Variants in KCNQ1 observed in about 807,000 individuals in gnomAD.
KCNQ1 encodes potassium voltage-gated channel subfamily KQT member 1.
A neutral mutation model predicts 72.4 loss-of-function variants in KCNQ1; 49 were observed. The observed-to-expected ratio is 0.68, with a 90% CI of 0.54 to 0.86. KCNQ1 has a LOEUF of 0.86. Ranked by LOEUF, KCNQ1 falls within the 40% of genes least tolerant of loss-of-function variation. The pLI is 0.00. For synonymous variants in KCNQ1, 450 were observed against 412.6 expected (o/e 1.09, Z -1.10); for missense variants, 790 against 945.1 (o/e 0.84, Z 2.15).
chr11:2,693,783 G>A (rs953397473), intron 11 of KCNQ1: 51 of 398,712 alleles, frequency 1.3e-4, no homozygotes, highest in African/African-American at 9.3e-4. Context: ...GGGCCGGCCA[G>A]TTCAGAGGAG....
rs543884255 is a variant in KCNQ1, at chr11:2,567,842, A to T, written c.478-2786A>T. 6.6e-6 allele frequency among the ~76,000 whole-genome samples: 1 copy of T among 152,356 alleles called. No individual in the cohort carries two copies. The highest frequency in any genetic ancestry group is 2.1e-4 in the South Asian group (1 of 4,828). On this transcript the variant is annotated intron_variant, in intron 2 of 15. Coordinates refer to ENST00000155840, the MANE Select transcript of KCNQ1 (RefSeq NM_000218.3). The surrounding 1 kb of genome is among the most constrained non-coding windows in gnomAD (Gnocchi z 6.6). ...CTGAGTGTTAGGTCAAAATAACTTT[A>T]AAAAGACACGCAGCTATCCACAGCA...
intron 11 of KCNQ1, chr11:2,675,598 G>T: frequency 2.5e-6 from 1 of 398,620 alleles, no homozygotes; most frequent in Admixed American, 4.4e-5. Flanking sequence ...GATCCCAATT[G>T]CTCCTCAGAT....
Position 2,664,303 on chromosome 11 carries a change from T to G in KCNQ1, c.1514+2222T>G, listed in dbSNP as rs546613104. On this transcript the variant is annotated intron_variant, in intron 11 of 15. Coordinates refer to ENST00000155840, the MANE Select transcript of KCNQ1 (RefSeq NM_000218.3). This position sits in a 1 kb window ranked among gnomAD's most constrained non-coding sequence, Gnocchi z 5.1. ...AAAGGGGCCACCTTGAGGCATTGTGTTCTGGTCAGGGAAGACTCAGGGCTG... is the reference window on the plus strand; with the variant it reads ...AAAGGGGCCACCTTGAGGCATTGTGGTCTGGTCAGGGAAGACTCAGGGCTG... The G allele has an allele frequency of 2.5e-6, 1 of 398,956 alleles. No individual in the cohort carries two copies. The highest frequency in any genetic ancestry group is 4.4e-6 in the Non-Finnish European group (1 of 226,470). The allele number at this position is 398,956 out of a possible 1,614,324, so 24.7% of individuals were successfully genotyped here.
At chr11:2,779,442 C>T (rs1290635331) in intron 15 of KCNQ1, among the ~76,000 whole-genome samples, 3 of 152,112 alleles carry the variant, frequency 2.0e-5, no homozygotes, top group African/African-American at 4.8e-5. Context: ...CCCAGTTCCC[C>T]AGCCTCCACT....
rs537616803 is a variant in KCNQ1, at chr11:2,762,140, G to C, written c.1515-6704G>C. 6.6e-6 allele frequency among the ~76,000 whole-genome samples: 1 copy of C among 152,238 alleles called. No individual in the cohort carries two copies. Among genetic ancestry groups the C allele is most frequent in the Non-Finnish European group, 1.5e-5 (1 of 68,038 alleles). On this transcript the variant is annotated intron_variant, in intron 11 of 15. Transcript: ENST00000155840. This position sits in a 1 kb window ranked among gnomAD's most constrained non-coding sequence, Gnocchi z 4.3. ...TGGGGTGATGGAAAGAGGCCAGGACGTGAGGCCAGGGTAATAGTTCCTCTC... is the reference window on the plus strand; with the variant it reads ...TGGGGTGATGGAAAGAGGCCAGGACCTGAGGCCAGGGTAATAGTTCCTCTC...
rs1160494017 is a variant in KCNQ1 at position 2,538,108 on chromosome 11, G to A, written c.477+10090G>A. On this transcript the variant is annotated intron_variant, in intron 2 of 15. Coordinates refer to ENST00000155840, the MANE Select transcript of KCNQ1 (RefSeq NM_000218.3). The surrounding 1 kb of genome is among the most constrained non-coding windows in gnomAD (Gnocchi z 6.7). The stretch of plus-strand genomic sequence containing the variant: ...AGCCCGTGTATATCCTCTGGAATGA[G>A]GACCTTCAACTTAGCCAGGGTGTCC... Among the ~76,000 whole-genome samples, 2 of 152,318 alleles carry A rather than the reference G, an allele frequency of 1.3e-5. 1 individual carries two copies. The highest frequency in any genetic ancestry group is 6.8e-3 in the Middle Eastern group (2 of 294).
At chr11:2,778,449 T>C (rs2237884) in intron 15 of KCNQ1, among the ~76,000 whole-genome samples, 43,138 of 152,176 alleles carry the variant, frequency 0.28, 6,305 homozygotes, top group East Asian at 0.39. Context: ...GGGCCTCCAC[T>C]TGGGGCCGGC....
At position 2,705,057 on chromosome 11, in the gene KCNQ1, T is replaced by G. The variant is rs553705664; in HGVS notation, c.1514+42976T>G. Among the ~76,000 whole-genome samples, 186 of 152,204 alleles carry G rather than the reference T, an allele frequency of 1.2e-3. 2 individuals carry two copies. Among genetic ancestry groups the G allele is most frequent in the African/African-American group, 4.4e-3 (182 of 41,528 alleles). On this transcript the variant is annotated intron_variant, in intron 11 of 15. Coordinates refer to ENST00000155840, the MANE Select transcript of KCNQ1 (RefSeq NM_000218.3). Reference sequence around the variant, plus strand: ...GCACACGGCTCAGGCTGACAGAGTGTGACAGATGCAGGTCCTGCTCCCTCA... The same window carrying G: ...GCACACGGCTCAGGCTGACAGAGTGGGACAGATGCAGGTCCTGCTCCCTCA...
intron 1 of KCNQ1, among the ~76,000 whole-genome samples, chr11:2,455,595 T>C (rs1018264692): frequency 6.6e-6 from 1 of 152,270 alleles, no homozygotes; most frequent in Non-Finnish European, 1.5e-5. Context: ...CATTCCATGC[T>C]GATGGGTTGG....
Position 2,611,921 on chromosome 11 carries a change from A to G in KCNQ1, c.1393+23067A>G. ...TACAATAAGCAGCTTAAGCAAAAAC[A>G]ATCTGCTTCAGGTTAATAATCTACT... is the stretch of plus-strand genomic sequence containing the variant. On this transcript the variant is annotated intron_variant, in intron 10 of 15. Coordinates refer to ENST00000155840, the MANE Select transcript of KCNQ1 (RefSeq NM_000218.3). The surrounding 1 kb of genome is among the most constrained non-coding windows in gnomAD (Gnocchi z 5.3). 2.5e-6 allele frequency: 1 copy of G among 398,560 alleles called. No individual in the cohort carries two copies. 24.7% of individuals were successfully genotyped at this position (398,560 alleles called of 1,614,324 possible).
In KCNQ1 at chr11:2,679,247, C is replaced by G. The variant is rs186128246; in HGVS notation, c.1514+17166C>G. 285 of 398,600 alleles carry G rather than the reference C, an allele frequency of 7.2e-4. 2 individuals carry two copies. In the East Asian group the frequency reaches 0.01, roughly 14 times the overall value. The allele number at this position is 398,600 out of a possible 1,614,324, so 24.7% of individuals were successfully genotyped here. On this transcript the variant is annotated intron_variant, in intron 11 of 15. Coordinates refer to ENST00000155840, the MANE Select transcript of KCNQ1 (RefSeq NM_000218.3). The surrounding 1 kb of genome is among the most constrained non-coding windows in gnomAD (Gnocchi z 4.8). ...GTCCAGAGGACTACAGCTGCCTGTC[C>G]CACCCTTGGCTGTGCTCTCCTTTAC...
At chr11:2,649,482 T>C (rs1212510021) in intron 10 of KCNQ1, 2 of 398,458 alleles carry the variant, frequency 5.0e-6, no homozygotes, top group African/African-American at 2.1e-5. Flanking sequence ...TAGTAATGAA[T>C]TCCCTCAGTT....
chr11:2,685,305 G>A (rs766403657), intron 11 of KCNQ1: 6 of 398,624 alleles, frequency 1.5e-5, no homozygotes, highest in Non-Finnish European at 2.7e-5. Context: ...ACAGAGTATC[G>A]ATCTGTCTGA....
In KCNQ1 at chr11:2,562,102, C is replaced by G. The variant is rs562634857; in HGVS notation, c.478-8526C>G. Among the ~76,000 whole-genome samples the G allele has an allele frequency of 1.3e-5, 2 of 152,030 alleles. No homozygotes were observed. Among genetic ancestry groups the G allele is most frequent in the South Asian group, 2.1e-4 (1 of 4,816 alleles). On this transcript the variant is annotated intron_variant, in intron 2 of 15. Transcript: ENST00000155840. This position sits in a 1 kb window ranked among gnomAD's most constrained non-coding sequence, Gnocchi z 7.5. ...CAGGGCAGCCGGACCCCGACTGTGC[C>G]ACCCTCAGCCCAGTGGATGGTGCAT...
At chr11:2,520,946 A>C (rs1387694302) in intron 1 of KCNQ1, among the ~76,000 whole-genome samples, 2 of 152,142 alleles carry the variant, frequency 1.3e-5, no homozygotes, top group African/African-American at 4.8e-5. Flanking sequence ...TCCCGTCCCC[A>C]GTAGGGGTCT....
intron 1 of KCNQ1, among the ~76,000 whole-genome samples, chr11:2,517,181 G>A (rs1847301893): frequency 6.6e-6 from 1 of 152,168 alleles, no homozygotes. Context: ...TGCAAGGCCT[G>A]AGCGTCCAGG....
At chr11:2,589,311 C>CA (rs1848640411) in intron 10 of KCNQ1, among the ~76,000 whole-genome samples, 1 of 152,178 alleles carries the variant, frequency 6.6e-6, no homozygotes, top group South Asian at 2.1e-4. Context: ...CCTGACGGGA[C>CA]AGGCCCTTCT....
intron 1 of KCNQ1, among the ~76,000 whole-genome samples, chr11:2,487,507 G>T (rs1368254457): frequency 6.6e-6 from 1 of 152,130 alleles, no homozygotes; most frequent in Non-Finnish European, 1.5e-5. Flanking sequence ...ATGAACATGG[G>T]ATATGTTTCC....
chr11:2,722,622 T>C (rs1383323974), intron 11 of KCNQ1, among the ~76,000 whole-genome samples: 1 of 152,098 alleles, frequency 6.6e-6, no homozygotes, highest in Non-Finnish European at 1.5e-5. Context: ...GGGGAGCTGA[T>C]GAGAGCGATG....
Sources: allele counts gnomAD v4.1 joint callset (sites outside exome capture counted in the v4.1 genomes callset), GRCh38; gene constraint gnomAD v4.1.1; non-coding constraint Gnocchi (gnomAD v3.1); transcripts MANE v1.5; gene names NCBI Gene and HGNC (gene_info 2026-07-23, HGNC 2026-07-21).